ZNF385D: variants seen among roughly 807,000 people sequenced by gnomAD.
The protein encoded by ZNF385D is zinc finger protein 659.
A neutral mutation model predicts 35.8 loss-of-function variants in ZNF385D; 15 were observed. That is an observed-to-expected ratio of 0.42 (90% confidence interval 0.28 to 0.64). The LOEUF is 0.64. Ranked by LOEUF, ZNF385D falls within the 30% of genes least tolerant of loss-of-function variation. ZNF385D has a pLI of 0.23. For missense variants in ZNF385D, 474 were observed against 494.6 expected (o/e 0.96, Z 0.39); for synonymous variants, 212 against 186.8 (o/e 1.13, Z -1.10).
chr3:21,650,878 T>C (rs1442142167), intron 2 of ZNF385D, among the ~76,000 whole-genome samples: 1 of 152,166 alleles, frequency 6.6e-6, no homozygotes, highest in African/African-American at 2.4e-5. Flanking sequence ...GGAAGTTTTT[T>C]GCTGTTGTTG....
intron 3 of ZNF385D, among the ~76,000 whole-genome samples, chr3:21,538,885 T>C (rs1405553764): frequency 1.3e-5 from 2 of 152,160 alleles, no homozygotes; most frequent in African/African-American, 4.8e-5. Flanking sequence ...TTTATAAATA[T>C]ACAAATATTG....
chr3:21,712,162 C>A (rs1402329109), intron 1 of ZNF385D, among the ~76,000 whole-genome samples: 2 of 152,130 alleles, frequency 1.3e-5, no homozygotes, highest in African/African-American at 4.8e-5. Context: ...CACCTTTGCA[C>A]CTCCCTTTAC....
Position 21,898,095 on chromosome 3 carries a change from G to T in ZNF385D, c.326-233067C>A, listed in dbSNP as rs191777165. 7.6e-4 allele frequency among the ~76,000 whole-genome samples: 116 copies of T among 152,202 alleles called. 1 individual carries two copies. The highest frequency in any genetic ancestry group is 6.8e-3 in the Admixed American group (104 of 15,264). On this transcript the variant is annotated intron_variant, in intron 3 of 5. Transcript: ENST00000494108. ...TCAAATGTTAGACTAGGAAGTATGTGAATGAAAATGTACAACTTTCCATCC... is the reference window on the plus strand; with the variant it reads ...TCAAATGTTAGACTAGGAAGTATGTTAATGAAAATGTACAACTTTCCATCC...
chr3:22,115,699 A>G (rs1177365998), intron 3 of ZNF385D, among the ~76,000 whole-genome samples: 1 of 152,114 alleles, frequency 6.6e-6, no homozygotes, highest in East Asian at 1.9e-4. Flanking sequence ...GCTTTTCTGC[A>G]AAGTGTAAAA....
At chr3:21,648,506 G>A (rs1268809401) in intron 2 of ZNF385D, among the ~76,000 whole-genome samples, 1 of 152,104 alleles carries the variant, frequency 6.6e-6, no homozygotes, top group African/African-American at 2.4e-5. Flanking sequence ...TGTGCAAATT[G>A]CTTCTTGCAC....
intron 3 of ZNF385D, among the ~76,000 whole-genome samples, chr3:21,955,435 C>T (rs968726287): frequency 6.6e-6 from 1 of 152,072 alleles, no homozygotes; most frequent in East Asian, 1.9e-4. Flanking sequence ...ATATCCATCT[C>T]CCCAATTCTG....
chr3:21,623,527 T>C (rs1241529247), intron 2 of ZNF385D, among the ~76,000 whole-genome samples: 1 of 151,916 alleles, frequency 6.6e-6, no homozygotes, highest in Non-Finnish European at 1.5e-5. Context: ...CTTGTAGTCT[T>C]AGCTAGTCAG....
chr3:22,189,484 C>T (rs1695872385), intron 2 of ZNF385D, among the ~76,000 whole-genome samples: 1 of 151,972 alleles, frequency 6.6e-6, no homozygotes, highest in African/African-American at 2.4e-5. Flanking sequence ...GTATTCAAAC[C>T]TCTGTTTAGA....
intron 2 of ZNF385D, among the ~76,000 whole-genome samples, chr3:22,259,146 T>C (rs1260553946): frequency 6.6e-6 from 1 of 151,880 alleles, no homozygotes; most frequent in Non-Finnish European, 1.5e-5. Flanking sequence ...ATCATGTATC[T>C]CTCATTTGGA....
intron 4 of ZNF385D, among the ~76,000 whole-genome samples, chr3:21,481,563 T>C (rs1458373430): frequency 6.6e-6 from 1 of 152,150 alleles, no homozygotes; most frequent in Non-Finnish European, 1.5e-5. Flanking sequence ...AGGGTCTCGC[T>C]CTGTCATCCA....
chr3:21,722,904 T>C (rs540526354), intron 1 of ZNF385D, among the ~76,000 whole-genome samples: 3 of 152,212 alleles, frequency 2.0e-5, no homozygotes, highest in Non-Finnish European at 4.4e-5. Flanking sequence ...GTACTACTTT[T>C]GGATGTTGGG....
At chr3:22,170,221 A>T (rs1694318847) in intron 2 of ZNF385D, among the ~76,000 whole-genome samples, 2 of 152,222 alleles carry the variant, frequency 1.3e-5, no homozygotes, top group Admixed American at 1.3e-4. Context: ...CTGCTATGTG[A>T]CAGCGTCCTC....
intron 3 of ZNF385D, among the ~76,000 whole-genome samples, chr3:21,809,097 C>G (rs1467921171): frequency 6.6e-6 from 1 of 151,992 alleles, no homozygotes; most frequent in Non-Finnish European, 1.5e-5. Flanking sequence ...AAAATGTCAA[C>G]AGGATTTGAG....
intron 2 of ZNF385D, among the ~76,000 whole-genome samples, chr3:22,300,413 C>G (rs1702835375): frequency 2.0e-5 from 3 of 150,876 alleles, no homozygotes; most frequent in South Asian, 4.2e-4. Context: ...GGATATAACC[C>G]CAAAAGCACA....
At chr3:21,601,716 C>T (rs1342543355) in intron 2 of ZNF385D, among the ~76,000 whole-genome samples, 1 of 152,166 alleles carries the variant, frequency 6.6e-6, no homozygotes, top group African/African-American at 2.4e-5. Context: ...CTGTGCCATG[C>T]AGGTAACTTT....
intron 3 of ZNF385D, among the ~76,000 whole-genome samples, chr3:21,967,035 T>C (rs555688366): frequency 2.6e-5 from 4 of 152,356 alleles, no homozygotes; most frequent in East Asian, 3.9e-4. Flanking sequence ...AAAATCTGTA[T>C]AGTAAAAACT....
At chr3:22,300,117 C>A (rs913026655) in intron 2 of ZNF385D, among the ~76,000 whole-genome samples, 1 of 151,732 alleles carries the variant, frequency 6.6e-6, no homozygotes, top group Admixed American at 6.6e-5. Context: ...AACACATAGA[C>A]CAATGGAATA....
At chr3:21,645,200 G>A (rs906442137) in intron 2 of ZNF385D, among the ~76,000 whole-genome samples, 1 of 152,160 alleles carries the variant, frequency 6.6e-6, no homozygotes, top group Admixed American at 6.5e-5. Context: ...TGGCAAAGCT[G>A]TACTTTCAAA....
At chr3:21,529,732 T>A (rs1340603889) in intron 3 of ZNF385D, among the ~76,000 whole-genome samples, 1 of 152,210 alleles carries the variant, frequency 6.6e-6, no homozygotes, top group Non-Finnish European at 1.5e-5. Flanking sequence ...GCATTAGTCA[T>A]TAAGTCTTAT....
Sources: gnomAD v4.1 joint callset for allele counts (sites outside exome capture counted in the v4.1 genomes callset) on GRCh38, gnomAD v4.1.1 for gene constraint, MANE v1.5 for transcripts, NCBI Gene and HGNC (gene_info 2026-07-23, HGNC 2026-07-21) for gene names.